The following NIM1K variants were observed in gnomAD, a reference collection of about 807,000 sequenced individuals.
The protein encoded by NIM1K is NIM1 serine/threonine protein kinase, also known as serine/threonine-protein kinase NIM1.
In NIM1K, 35 loss-of-function variants were observed where a neutral mutation model predicts 37.1. That is an observed-to-expected ratio of 0.94 (90% confidence interval 0.72 to 1.25). The LOEUF (loss-of-function observed/expected upper bound fraction) is 1.25. Ranked by LOEUF, NIM1K falls within the 50% of genes most tolerant of loss-of-function variation. The probability of loss-of-function intolerance (pLI) is 0.00; values close to 1 mark genes in which losing one functional copy is unlikely to be tolerated. For synonymous variants in NIM1K, 234 were observed against 206.6 expected (o/e 1.13, Z -1.14); for missense variants, 564 against 548.0 (o/e 1.03, Z -0.29).
At chr5:43,227,267 G>A (rs1051480476) in intron 1 of NIM1K, among the ~76,000 whole-genome samples, 3 of 152,158 alleles carry the variant, frequency 2.0e-5, no homozygotes, top group Non-Finnish European at 4.4e-5. Flanking sequence ...GGCAGAGGCA[G>A]GAGAATCGCT....
chr5:43,260,277 A>T (rs577633523), intron 2 of NIM1K, among the ~76,000 whole-genome samples: 1 of 152,298 alleles, frequency 6.6e-6, no homozygotes, highest in African/African-American at 2.4e-5. Context: ...AACAGAAGTG[A>T]TGAAAGTGGG....
At chr5:43,228,700 G>A (rs1482634172) in intron 1 of NIM1K, among the ~76,000 whole-genome samples, 1 of 151,616 alleles carries the variant, frequency 6.6e-6, no homozygotes, top group Non-Finnish European at 1.5e-5. Flanking sequence ...GTGTGGCAGG[G>A]CACATCTGTG....
chr5:43,278,049 T>A (rs1346061567), intron 3 of NIM1K, among the ~76,000 whole-genome samples: 1 of 150,656 alleles, frequency 6.6e-6, no homozygotes, highest in African/African-American at 2.4e-5. Context: ...TCTTTCTGTT[T>A]CTTTTTTTTT....
chr5:43,228,938 G>A (rs565544774), intron 1 of NIM1K, among the ~76,000 whole-genome samples: 1 of 152,254 alleles, frequency 6.6e-6, no homozygotes, highest in East Asian at 1.9e-4. Flanking sequence ...TCAAACCAAT[G>A]AAATTTAGAT....
chr5:43,233,142 C>T, intron 1 of NIM1K: 3 of 1,327,096 alleles, frequency 2.3e-6, no homozygotes, highest in Non-Finnish European at 3.2e-6. Context: ...GGACACCAGC[C>T]TGGCCAATGA....
At chr5:43,279,933 TGACA>T in intron 3 of NIM1K, 43 bp from the exon 4 acceptor site, 1 of 1,486,878 alleles carries the variant, frequency 6.7e-7, no homozygotes, top group Admixed American at 1.8e-5. Context: ...TTTTTTATTT[TGACA>T]TTTTACTGTA....
intron 1 of NIM1K, among the ~76,000 whole-genome samples, chr5:43,225,260 C>CAAAAAA (rs10555794): frequency 4.4e-4 from 32 of 72,710 alleles, no homozygotes; most frequent in Non-Finnish European, 5.9e-4. Flanking sequence ...ACCCTCTTTC[C>CAAAAAA]AAAAAAAAAA....
intron 1 of NIM1K, among the ~76,000 whole-genome samples, chr5:43,225,987 G>A (rs1752451814): frequency 6.6e-6 from 1 of 152,214 alleles, no homozygotes; most frequent in Non-Finnish European, 1.5e-5. Context: ...AGTGAGGGAA[G>A]CTTCCTGAAA....
In NIM1K at chr5:43,234,136, G is replaced by A. The variant is rs59951865; in HGVS notation, c.-694-10946G>A. On this transcript the variant is annotated intron_variant, in intron 1 of 3. Coordinates refer to ENST00000326035, the MANE Select transcript of NIM1K (RefSeq NM_153361.4). ...AGAGCTAACAGTCAGGAAATCAAGGGCAACTGCCTTAACTTCAGATGGCCT... is the reference window on the plus strand; with the variant it reads ...AGAGCTAACAGTCAGGAAATCAAGGACAACTGCCTTAACTTCAGATGGCCT... Among the ~76,000 whole-genome samples, 446 of 152,268 alleles carry A rather than the reference G, an allele frequency of 2.9e-3. 4 individuals carry two copies. Among genetic ancestry groups the A allele is most frequent in the African/African-American group, 0.01 (428 of 41,560 alleles).
chr5:43,259,217 T>C (rs964332162), intron 2 of NIM1K, among the ~76,000 whole-genome samples: 1 of 152,214 alleles, frequency 6.6e-6, no homozygotes, highest in Non-Finnish European at 1.5e-5. Flanking sequence ...GCCATAAACA[T>C]GCATGCAGGT....
intron 2 of NIM1K, among the ~76,000 whole-genome samples, chr5:43,257,568 G>C (rs570286439): frequency 7.2e-5 from 11 of 151,896 alleles, no homozygotes; most frequent in Non-Finnish European, 1.3e-4. Flanking sequence ...AGCCAGGGTA[G>C]TCTCGATCTC....
chr5:43,264,247 TG>T (rs1184175726), intron 2 of NIM1K, among the ~76,000 whole-genome samples: 1 of 152,216 alleles, frequency 6.6e-6, no homozygotes, highest in East Asian at 1.9e-4. Flanking sequence ...TATTATTGTT[TG>T]GGAGTCTAAG....
rs1561085712 is a variant in NIM1K, at chr5:43,245,941, T to A, written c.166T>A (p.Ser56Thr). Reference sequence around the variant, plus strand: ...CTTCGAGAAACTGACACAGGACATGTCCCAGGATGAGAAGGTGGTGAGGGA... The same window carrying A: ...CTTCGAGAAACTGACACAGGACATGACCCAGGATGAGAAGGTGGTGAGGGA... ...TPFEKLTQDM[S>T]QDEKVVREIT... The change falls in exon 2 of 4, where the codon TCC becomes ACC. Residue 56 changes from serine to threonine, a missense_variant. Ser to Thr is a moderately conservative substitution (Grantham distance 58, BLOSUM62 1). Coordinates refer to ENST00000326035, the MANE Select transcript of NIM1K (RefSeq NM_153361.4). 6 of 1,614,006 alleles carry A rather than the reference T, an allele frequency of 3.7e-6. No homozygotes were observed. The highest frequency in any genetic ancestry group is 4.2e-6 in the Non-Finnish European group (5 of 1,179,990).
intron 1 of NIM1K, chr5:43,206,571 C>A: frequency 1.9e-6 from 1 of 520,860 alleles, no homozygotes; most frequent in East Asian, 3.6e-5. Context: ...TTAGGAGGGT[C>A]TTGAAGGCTG....
chr5:43,269,285 G>A (rs1162323935), intron 2 of NIM1K, among the ~76,000 whole-genome samples: 1 of 115,254 alleles, frequency 8.7e-6, no homozygotes, highest in Non-Finnish European at 1.7e-5. Flanking sequence ...CTCCAGCCTG[G>A]GCAACAAAGT....
At chr5:43,224,264 C>G (rs951689464) in intron 1 of NIM1K, among the ~76,000 whole-genome samples, 1 of 151,882 alleles carries the variant, frequency 6.6e-6, no homozygotes, top group Non-Finnish European at 1.5e-5. Context: ...CACCCCCAGT[C>G]GAAGTGTCCC....
intron 1 of NIM1K, among the ~76,000 whole-genome samples, chr5:43,226,485 A>G (rs1156639219): frequency 6.6e-6 from 1 of 152,242 alleles, no homozygotes; most frequent in Non-Finnish European, 1.5e-5. Context: ...GTTTGGCTTC[A>G]GCTAGAAGGA....
chr5:43,271,842 C>T (rs1055431768), intron 2 of NIM1K, among the ~76,000 whole-genome samples: 1 of 152,200 alleles, frequency 6.6e-6, no homozygotes, highest in Non-Finnish European at 1.5e-5. Context: ...TACCCTGTCC[C>T]TGACTCCTGC....
chr5:43,215,647 T>C (rs1752288602), intron 1 of NIM1K, among the ~76,000 whole-genome samples: 2 of 152,334 alleles, frequency 1.3e-5, no homozygotes, highest in Non-Finnish European at 2.9e-5. Context: ...TTGGCCTGGC[T>C]AGTCCCCAGT....
Sources: allele counts gnomAD v4.1 joint callset (sites outside exome capture counted in the v4.1 genomes callset), GRCh38; gene constraint gnomAD v4.1.1; transcripts MANE v1.5; gene names NCBI Gene and HGNC (gene_info 2026-07-23, HGNC 2026-07-21).